The following L3MBTL1 variants were observed in gnomAD, a reference collection of about 807,000 sequenced individuals.
L3MBTL1 encodes the protein L3MBTL histone methyl-lysine binding protein 1, also known as lethal(3)malignant brain tumor-like protein 1.
In L3MBTL1, 75 loss-of-function variants were observed where a neutral mutation model predicts 105.3. That is an observed-to-expected ratio of 0.71 (90% CI 0.59 to 0.86). The LOEUF is 0.86. Ranked by LOEUF, L3MBTL1 falls within the 40% of genes least tolerant of loss-of-function variation. L3MBTL1 has a pLI of 0.00. For synonymous variants in L3MBTL1, 452 were observed against 436.2 expected (o/e 1.04, Z -0.45); for missense variants, 1,069 against 1,126.4 (o/e 0.95, Z 0.73).
rs1339601825 is a variant in L3MBTL1 at position 43,514,023 on chromosome 20, A to C, written c.322A>C (p.Thr108Pro). The C allele has an allele frequency of 6.5e-7, 1 of 1,538,412 alleles. No individual in the cohort carries two copies. Among genetic ancestry groups the C allele is most frequent in the Non-Finnish European group, 8.7e-7 (1 of 1,146,696 alleles). The change falls in exon 3 of 22, where the codon ACA (threonine) becomes CCA (proline). Residue 108 changes from threonine to proline, a missense_variant. Physicochemically the swap from Thr to Pro is conservative, Grantham distance 38 (BLOSUM62 -1). Transcript: ENST00000418998. ...CAGCACAGTGCGGCTTCTGGAATGG[A>C]CAGAGGCCGCGGCCCCGCCCCCAGG... Reference protein sequence around the residue: ...STSTVRLLEWTEAAAPPPGGG... With the variant: ...STSTVRLLEWPEAAAPPPGGG...
chr20:43,536,702 G>A (rs2019652739), intron 19 of L3MBTL1, among the ~76,000 whole-genome samples: 1 of 152,170 alleles, frequency 6.6e-6, no homozygotes. Flanking sequence ...AGGGTACAGA[G>A]CTTCTCGGGG....
At position 43,537,580 on chromosome 20, in the gene L3MBTL1, C is replaced by T. The variant is rs145002182; in HGVS notation, c.2173+1122C>T. Reference sequence around the variant, plus strand: ...TTAGGGCTTCAGCATATGAATTTTGCGGGGACACATTTTAGCCCATAACAT... The same window carrying T: ...TTAGGGCTTCAGCATATGAATTTTGTGGGGACACATTTTAGCCCATAACAT... On this transcript the variant is annotated intron_variant, in intron 19 of 21. Coordinates refer to ENST00000418998, the MANE Select transcript of L3MBTL1 (RefSeq NM_001377303.1). Among the ~76,000 whole-genome samples the T allele has an allele frequency of 2.2e-3, 336 of 152,254 alleles. 4 individuals are homozygous for T. The highest frequency in any genetic ancestry group is 7.7e-3 in the African/African-American group (321 of 41,550).
chr20:43,547,075 C>G (rs573146003), intron 18 of L3MBTL1, among the ~76,000 whole-genome samples: 1 of 151,348 alleles, frequency 6.6e-6, no homozygotes, highest in Non-Finnish European at 1.5e-5. Context: ...AAGAGCCCCT[C>G]CCATCCTTTT....
In L3MBTL1 at chr20:43,529,283, A is replaced by G; in HGVS notation, c.971A>G (p.Asn324Ser). ...LFQDSQAVTH[N>S]KNGFKLGMKL... ...TGACAGTCCCAGGCAGTCACTCACA[A>G]CAAGAATGGCTTCAAACTGGGCATG... The change falls in exon 9 of 22, where the codon AAC (asparagine) becomes AGC (serine). Residue 324 changes from asparagine (N) to serine (S), a missense_variant. Coordinates refer to ENST00000418998, the MANE Select transcript of L3MBTL1 (RefSeq NM_001377303.1). 1 of 1,612,262 alleles carries G rather than the reference A, an allele frequency of 6.2e-7. No homozygotes were observed. Among genetic ancestry groups the G allele is most frequent in the South Asian group, 1.1e-5 (1 of 90,250 alleles).
intron 16 of L3MBTL1, 83 bp downstream of exon 16, chr20:43,535,025 C>T: frequency 1.1e-6 from 1 of 892,618 alleles, no homozygotes; most frequent in Non-Finnish European, 1.7e-6. Flanking sequence ...AGCTCTGACT[C>T]CCCATGCCCA....
chr20:43,533,014 C>A, intron 12 of L3MBTL1, 90 bp downstream of exon 12: 2 of 1,290,886 alleles, frequency 1.5e-6, no homozygotes, highest in Non-Finnish European at 2.2e-6. Flanking sequence ...TGGCACCACT[C>A]AGTCCAGTTC....
chr20:43,511,573 G>A (rs1248832007), intron 1 of L3MBTL1, among the ~76,000 whole-genome samples: 6 of 152,036 alleles, frequency 3.9e-5, no homozygotes, highest in Non-Finnish European at 7.4e-5. Context: ...CCTGAGGTCA[G>A]GAGTTCCAGT....
At chr20:43,515,550 G>C in intron 6 of L3MBTL1, 135 bp downstream of exon 6, 27 of 1,224,198 alleles carry the variant, frequency 2.2e-5, no homozygotes, top group Non-Finnish European at 3.0e-5. Flanking sequence ...CATATTTTGG[G>C]GTCCCATCCT....
chr20:43,513,933 G>T lies in L3MBTL1; in HGVS notation c.232G>T (p.Gly78Cys). 1 of 1,550,264 alleles carries T rather than the reference G, an allele frequency of 6.5e-7. No individual in the cohort carries two copies. The highest frequency in any genetic ancestry group is 1.2e-5 in the South Asian group (1 of 84,068). ...IHVGAPEQVA[G>C]CEPVSATVLP... ...TGTGGGTGCCCCGGAGCAAGTGGCC[G>T]GCTGCGAACCAGTTTCTGCCACCGT... is the stretch of plus-strand genomic sequence containing the variant. The change falls in exon 3 of 22, where the codon GGC becomes TGC. Residue 78 changes from glycine to cysteine, a missense_variant. Coordinates refer to ENST00000418998, the MANE Select transcript of L3MBTL1 (RefSeq NM_001377303.1).
chr20:43,528,544 A>G, intron 7 of L3MBTL1, 113 bp from the exon 8 acceptor site: 1 of 764,288 alleles, frequency 1.3e-6, no homozygotes, highest in Non-Finnish European at 2.3e-6. Flanking sequence ...GTACATGTGA[A>G]CACAGACAAA....
At chr20:43,542,092 C>A (rs993351583), downstream of L3MBTL1, among the ~76,000 whole-genome samples, 192 of 152,168 alleles carry the variant, frequency 1.3e-3, no homozygotes, top group Non-Finnish European at 5.9e-5. Context: ...CACCTGTAGT[C>A]CCAGCTACTC....
chr20:43,530,614 C>T (rs1461606928), intron 10 of L3MBTL1, 184 bp from the exon 11 acceptor site: 10 of 775,854 alleles, frequency 1.3e-5, no homozygotes, highest in Non-Finnish European at 2.1e-5. Context: ...TTCCGCTTTG[C>T]ACTTGCCCTT....
chr20:43,540,673 G>A, intron 20 of L3MBTL1, 80 bp from the exon 21 acceptor site: 1 of 1,340,190 alleles, frequency 7.5e-7, no homozygotes, highest in Non-Finnish European at 1.1e-6. Flanking sequence ...CAGCTCAGAA[G>A]CACCTAGGCT....
intron 11 of L3MBTL1, 82 bp from the exon 12 acceptor site, chr20:43,532,691 C>A: frequency 1.4e-6 from 2 of 1,461,754 alleles, no homozygotes; most frequent in East Asian, 2.3e-5. Flanking sequence ...CCTAGAGAAC[C>A]TATTCCTTTG....
downstream of L3MBTL1, among the ~76,000 whole-genome samples, chr20:43,544,357 C>T (rs566638951): frequency 1.3e-5 from 2 of 152,230 alleles, no homozygotes; most frequent in Admixed American, 1.3e-4. Flanking sequence ...GCACTGCAGG[C>T]TGTTGCTTAG....
chr20:43,534,526 A>G, intron 15 of L3MBTL1, 132 bp downstream of exon 15: 1 of 724,874 alleles, frequency 1.4e-6, no homozygotes, highest in Non-Finnish European at 2.3e-6. Flanking sequence ...TTCTTGCCTC[A>G]TCTGTGACTT....
chr20:43,530,240 G>A (rs766333548), intron 9 of L3MBTL1, 44 bp from the exon 10 acceptor site: 12 of 1,612,320 alleles, frequency 7.4e-6, no homozygotes, highest in Non-Finnish European at 1.0e-5. Context: ...GGGGAGTGGG[G>A]CATCTCCTGA....
At chr20:43,544,164 GTCTGATTT>G, downstream of L3MBTL1, among the ~76,000 whole-genome samples, 1 of 152,322 alleles carries the variant, frequency 6.6e-6, no homozygotes, top group East Asian at 1.9e-4. Context: ...CTTCCCAAAT[GTCTGATTT>G]TCTTGGGCTC....
At position 43,535,272 on chromosome 20, in the gene L3MBTL1, A is replaced by C. The variant is rs73618900; in HGVS notation, c.1825+330A>C. Among the ~76,000 whole-genome samples, 68 of 152,306 alleles carry C rather than the reference A, an allele frequency of 4.5e-4. 1 individual carries two copies. In the East Asian group the frequency reaches 0.013, roughly 29 times the overall value. On this transcript the variant is annotated intron_variant, in intron 16 of 21. Transcript: ENST00000418998. ...CACACTGAGCGTGCACTGTTTGCTA[A>C]GGACATGATGGCTTCCTAAAGTAAA... is the stretch of plus-strand genomic sequence containing the variant.
Sources: gnomAD v4.1 joint callset for allele counts (sites outside exome capture counted in the v4.1 genomes callset) on GRCh38, gnomAD v4.1.1 for gene constraint, MANE v1.5 for transcripts, NCBI Gene and HGNC (gene_info 2026-07-23, HGNC 2026-07-21) for gene names.